ARHGAP8: variants seen among roughly 807,000 people sequenced by gnomAD.
ARHGAP8 encodes Rho GTPase activating protein 8, also known as rho GTPase-activating protein 8.
ARHGAP8 carries 62 observed loss-of-function variants against 46.1 expected under a neutral mutation model. The observed-to-expected ratio is 1.34, with a 90% CI of 1.10 to 1.66. ARHGAP8 has a LOEUF of 1.66. Among genes scored for constraint, ARHGAP8 ranks in the 40% most tolerant of loss-of-function variants. The probability of loss-of-function intolerance (pLI) is 0.00; values close to 1 mark genes in which losing one functional copy is unlikely to be tolerated. For synonymous variants in ARHGAP8, 375 were observed against 243.1 expected, an observed-to-expected ratio of 1.54 and a Z score of -5.05; for missense variants, 923 against 568.4, an observed-to-expected ratio of 1.62 and a Z score of -6.34.
At chr22:44,778,301 C>A (rs1926573008) in intron 1 of ARHGAP8, among the ~76,000 whole-genome samples, 1 of 152,134 alleles carries the variant, frequency 6.6e-6, no homozygotes, top group Non-Finnish European at 1.5e-5. Flanking sequence ...TTCTGAGTTA[C>A]TTCACTTAGA....
intron 2 of ARHGAP8, among the ~76,000 whole-genome samples, chr22:44,799,296 C>T (rs1490370781): frequency 6.6e-6 from 1 of 152,250 alleles, no homozygotes; most frequent in Non-Finnish European, 1.5e-5. Context: ...GCCTGTACCA[C>T]TGGGGTTGGA....
rs571449655 is a variant in ARHGAP8, at chr22:44,807,640, G to A, written c.168-667G>A. ...TCCTTGTGAGTTTCCCGGGGCTGCC[G>A]TAACCATGATCGCAAATGTGGTGGC... is the stretch of plus-strand genomic sequence containing the variant. On this transcript the variant is annotated intron_variant, in intron 3 of 11. Coordinates refer to ENST00000356099, the MANE Select transcript of ARHGAP8 (RefSeq NM_181335.3). Among the ~76,000 whole-genome samples, 91 of 152,268 alleles carry A rather than the reference G, an allele frequency of 6.0e-4. No individual in the cohort carries two copies. In the South Asian group the frequency reaches 0.017, roughly 29 times the overall value.
At chr22:44,774,320 G>C (rs1404846341) in intron 1 of ARHGAP8, among the ~76,000 whole-genome samples, 1 of 152,194 alleles carries the variant, frequency 6.6e-6, no homozygotes, top group African/African-American at 2.4e-5. Flanking sequence ...AACTTCCTGA[G>C]AAGGTAGTGA....
chr22:44,823,570 A>G (rs1463688560), intron 6 of ARHGAP8, among the ~76,000 whole-genome samples: 2 of 152,112 alleles, frequency 1.3e-5, no homozygotes, highest in Non-Finnish European at 2.9e-5. Flanking sequence ...CCTGGAGGCC[A>G]TGAGAGGATG....
intron 9 of ARHGAP8, 137 bp from the exon 10 acceptor site, chr22:44,848,795 T>G (rs189847414): frequency 1.3e-5 from 19 of 1,483,138 alleles, no homozygotes; most frequent in African/African-American, 9.7e-5. Context: ...GGGGACAGCA[T>G]CATCCCTAGG....
intron 2 of ARHGAP8, among the ~76,000 whole-genome samples, chr22:44,794,096 C>G (rs915699492): frequency 6.6e-6 from 1 of 152,184 alleles, no homozygotes; most frequent in Non-Finnish European, 1.5e-5. Context: ...CACCCTGACG[C>G]TCACTTGGCC....
rs372966246 is a variant in ARHGAP8, at chr22:44,845,262, T to C, written c.597-7T>C. 5 of 1,614,102 alleles carry C rather than the reference T, an allele frequency of 3.1e-6. No individual in the cohort carries two copies. In the East Asian group the frequency reaches 1.1e-4, roughly 36 times the overall value. ...AAAAACTGCGACTTTCTTTTCTGTT[T>C]TCTCAGCCTCAAAGACAAAAATCAA... is the stretch of plus-strand genomic sequence containing the variant. On this transcript the variant is annotated splice_polypyrimidine_tract_variant and splice_region_variant and intron_variant, in intron 7 of 11. Coordinates refer to ENST00000356099, the MANE Select transcript of ARHGAP8 (RefSeq NM_181335.3).
intron 1 of ARHGAP8, among the ~76,000 whole-genome samples, chr22:44,779,582 G>A (rs910631203): frequency 6.9e-5 from 1 of 14,432 alleles, no homozygotes; most frequent in African/African-American, 2.3e-4. Flanking sequence ...TTTTTTTTGA[G>A]TTGGAGTCTT....
chr22:44,824,703 G>C (rs548259025), intron 6 of ARHGAP8, among the ~76,000 whole-genome samples: 1 of 149,678 alleles, frequency 6.7e-6, no homozygotes, highest in South Asian at 2.1e-4. Context: ...CGCAATCTCG[G>C]CTCTCTGCAA....
chr22:44,812,808 G>T (rs1464719515), intron 4 of ARHGAP8, among the ~76,000 whole-genome samples: 1 of 152,140 alleles, frequency 6.6e-6, no homozygotes, highest in Non-Finnish European at 1.5e-5. Context: ...GGTCTGATGA[G>T]CACTCGGCAT....
At chr22:44,766,478 ATG>A (rs374499820) in intron 1 of ARHGAP8, among the ~76,000 whole-genome samples, 4 of 150,466 alleles carry the variant, frequency 2.7e-5, no homozygotes, top group African/African-American at 7.4e-5. Flanking sequence ...CTCTGTGCAT[ATG>A]TGTGTCTCTG....
At chr22:44,828,957 A>G (rs1228997415) in intron 7 of ARHGAP8, among the ~76,000 whole-genome samples, 1 of 151,724 alleles carries the variant, frequency 6.6e-6, no homozygotes, top group Non-Finnish European at 1.5e-5. Context: ...CTCTCTTCTT[A>G]TCATCTAACA....
intron 2 of ARHGAP8, 88 bp from the exon 3 acceptor site, chr22:44,801,989 A>C: frequency 1.3e-6 from 2 of 1,522,726 alleles, no homozygotes; most frequent in Non-Finnish European, 1.8e-6. Context: ...CTCGGGCTGG[A>C]CTGGCCAAGG....
intron 7 of ARHGAP8, among the ~76,000 whole-genome samples, chr22:44,831,496 G>C (rs768336316): frequency 4.6e-5 from 7 of 151,312 alleles, no homozygotes; most frequent in Admixed American, 6.6e-5. Flanking sequence ...AGGAGTTCAA[G>C]ACCAGCCTTA....
intron 1 of ARHGAP8, among the ~76,000 whole-genome samples, chr22:44,764,398 C>G (rs918204664): frequency 3.9e-5 from 6 of 152,234 alleles, no homozygotes; most frequent in Non-Finnish European, 8.8e-5. Flanking sequence ...GTGACAGCCA[C>G]GTCCTGGTGC....
At chr22:44,843,275 G>A (rs1931768819) in intron 7 of ARHGAP8, among the ~76,000 whole-genome samples, 1 of 152,140 alleles carries the variant, frequency 6.6e-6, no homozygotes, top group South Asian at 2.1e-4. Flanking sequence ...AACCAAAGCT[G>A]AGAGAATGTA....
chr22:44,801,576 G>A (rs9614940), intron 2 of ARHGAP8, among the ~76,000 whole-genome samples: 11,469 of 152,292 alleles, frequency 0.075, 467 homozygotes, highest in Middle Eastern at 0.092. Flanking sequence ...TGGTGACCCG[G>A]GCCATAATGG....
chr22:44,819,534 G>C (rs567076015), intron 5 of ARHGAP8, among the ~76,000 whole-genome samples: 2 of 152,170 alleles, frequency 1.3e-5, no homozygotes, highest in African/African-American at 4.8e-5. Context: ...TTAGCGGGGA[G>C]TGGTGGCAGG....
intron 11 of ARHGAP8, among the ~76,000 whole-genome samples, chr22:44,860,872 G>T (rs577359287): frequency 2.0e-5 from 3 of 152,218 alleles, no homozygotes; most frequent in Non-Finnish European, 4.4e-5. Context: ...TGCAGGGTGA[G>T]GAGAGCCTGA....
Sources: gnomAD v4.1 joint callset for allele counts (sites outside exome capture counted in the v4.1 genomes callset) on GRCh38, gnomAD v4.1.1 for gene constraint, MANE v1.5 for transcripts, NCBI Gene and HGNC (gene_info 2026-07-23, HGNC 2026-07-21) for gene names.